The following BANK1 variants were observed in gnomAD, a reference collection of about 807,000 sequenced individuals.
BANK1 encodes B cell scaffold protein with ankyrin repeats 1.
In BANK1, 95 loss-of-function variants were observed where a neutral mutation model predicts 94.5. That is an observed-to-expected ratio of 1.00 (90% CI 0.85 to 1.19). The LOEUF (loss-of-function observed/expected upper bound fraction) is 1.19, where lower values mean the gene tolerates loss of function less well. Among genes scored for constraint, BANK1 ranks in the 50% most tolerant of loss-of-function variants. The pLI is 0.00. For missense variants in BANK1, 987 were observed against 932.2 expected, an observed-to-expected ratio of 1.06 and a Z score of -0.77; for synonymous variants, 334 against 308.4, an observed-to-expected ratio of 1.08 and a Z score of -0.87.
Position 101,790,845 on chromosome 4 carries a change from C to T in BANK1, c.-36C>T. The T allele has an allele frequency of 6.5e-7, 1 of 1,533,096 alleles. No individual in the cohort carries two copies. Among genetic ancestry groups the T allele is most frequent in the Non-Finnish European group, 8.7e-7 (1 of 1,143,348 alleles). 95.0% of individuals were successfully genotyped at this position (1,533,096 alleles called of 1,614,324 possible). A position where few individuals can be genotyped will look rare whatever the true frequency, so the allele number is the denominator to read the frequency against. On this transcript the variant is annotated 5_prime_UTR_variant, in exon 1 of 17. Transcript: ENST00000322953. ...GAGAGTCCAGGTAGCGCTCGGCGGG[C>T]AGCAGTGCGCAGGCCCCTCGGCTTC...
At chr4:101,855,260 G>A (rs1161823077) in intron 3 of BANK1, 71 bp downstream of exon 3, 13 of 1,464,504 alleles carry the variant, frequency 8.9e-6, no homozygotes, top group Non-Finnish European at 1.2e-5. Flanking sequence ...GTTGTTGTTT[G>A]GAGAGACAGG....
intron 5 of BANK1, among the ~76,000 whole-genome samples, chr4:101,873,793 T>C (rs1408048844): frequency 2.0e-5 from 3 of 152,108 alleles, no homozygotes; most frequent in Non-Finnish European, 4.4e-5. Flanking sequence ...AAAGCCCAGT[T>C]TGGGATGATA....
At chr4:102,056,090 A>G (rs1434831941) in intron 11 of BANK1, among the ~76,000 whole-genome samples, 1 of 152,190 alleles carries the variant, frequency 6.6e-6, no homozygotes, top group Non-Finnish European at 1.5e-5. Context: ...TTATAAAATT[A>G]TTATAAAGCT....
At chr4:102,006,584 C>A (rs747845425) in intron 7 of BANK1, among the ~76,000 whole-genome samples, 21 of 151,882 alleles carry the variant, frequency 1.4e-4, no homozygotes, top group East Asian at 5.8e-4. Context: ...GATTGGAAAC[C>A]TTACATGTTT....
intron 11 of BANK1, among the ~76,000 whole-genome samples, chr4:102,059,878 G>T (rs1227989973): frequency 6.6e-6 from 1 of 152,168 alleles, no homozygotes; most frequent in Non-Finnish European, 1.5e-5. Context: ...ACTATGCTAA[G>T]TATTTTGTGC....
chr4:101,790,837 T>A lies in BANK1; in HGVS notation c.-44T>A. 1 of 1,527,324 alleles carries A rather than the reference T, an allele frequency of 6.5e-7. No individual in the cohort carries two copies. The highest frequency in any genetic ancestry group is 8.8e-7 in the Non-Finnish European group (1 of 1,138,394). The allele number at this position is 1,527,324 out of a possible 1,614,324, so 94.6% of individuals were successfully genotyped here. A position where few individuals can be genotyped will look rare whatever the true frequency, so the allele number is the denominator to read the frequency against. ...CTGGCCGGGAGAGTCCAGGTAGCGC[T>A]CGGCGGGCAGCAGTGCGCAGGCCCC... On this transcript the variant is annotated 5_prime_UTR_variant, in exon 1 of 17. Coordinates refer to ENST00000322953, the MANE Select transcript of BANK1 (RefSeq NM_017935.5).
chr4:101,953,958 A>G (rs750390287), intron 7 of BANK1, among the ~76,000 whole-genome samples: 1 of 152,112 alleles, frequency 6.6e-6, no homozygotes, highest in Non-Finnish European at 1.5e-5. Flanking sequence ...TTGTTTTTTC[A>G]TAGTACTGCA....
rs1477944210 is a variant in BANK1, at chr4:101,943,498, G to A, written c.1206+25309G>A. 2.6e-5 allele frequency among the ~76,000 whole-genome samples: 4 copies of A among 151,824 alleles called. No homozygotes were observed. In the East Asian group the frequency reaches 7.8e-4, roughly 30 times the overall value. On this transcript the variant is annotated intron_variant, in intron 7 of 16. Coordinates refer to ENST00000322953, the MANE Select transcript of BANK1 (RefSeq NM_017935.5). ...TGGGTGGATTGGTGTGGGGATGGAAGGGACAGAAGGCTTCTGGCTTAAGTG... is the reference window on the plus strand; with the variant it reads ...TGGGTGGATTGGTGTGGGGATGGAAAGGACAGAAGGCTTCTGGCTTAAGTG...
At chr4:101,818,987 G>T (rs1291415633) in intron 1 of BANK1, among the ~76,000 whole-genome samples, 2 of 149,542 alleles carry the variant, frequency 1.3e-5, no homozygotes, top group South Asian at 2.1e-4. Context: ...TCTGACATTT[G>T]CTATGTATAT....
At position 101,952,985 on chromosome 4, in the gene BANK1, C is replaced by T. The variant is rs562475578; in HGVS notation, c.1206+34796C>T. The stretch of plus-strand genomic sequence containing the variant: ...TACCCTTGCAGTAATGATTAACGAT[C>T]AGTGAGAAGAACTAGACAAGGGCTT... On this transcript the variant is annotated intron_variant, in intron 7 of 16. Coordinates refer to ENST00000322953, the MANE Select transcript of BANK1 (RefSeq NM_017935.5). Among the ~76,000 whole-genome samples, 138 of 152,214 alleles carry T rather than the reference C, an allele frequency of 9.1e-4. 1 individual carries two copies. Among genetic ancestry groups the T allele is most frequent in the African/African-American group, 3.2e-3 (131 of 41,540 alleles).
intron 13 of BANK1, among the ~76,000 whole-genome samples, 199 bp from the exon 14 acceptor site, chr4:102,071,076 C>T (rs531829194): frequency 1.3e-5 from 2 of 151,860 alleles, no homozygotes; most frequent in Non-Finnish European, 2.9e-5. Context: ...GAGGAAAGGA[C>T]AAAAGTAATA....
intron 11 of BANK1, among the ~76,000 whole-genome samples, chr4:102,050,564 T>A (rs1340231209): frequency 6.6e-6 from 1 of 152,222 alleles, no homozygotes; most frequent in Non-Finnish European, 1.5e-5. Flanking sequence ...AGCCCCTAAG[T>A]AAATTATATT....
At chr4:101,921,247 CAA>C (rs1722988249) in intron 7 of BANK1, among the ~76,000 whole-genome samples, 1 of 151,838 alleles carries the variant, frequency 6.6e-6, no homozygotes, top group Non-Finnish European at 1.5e-5. Flanking sequence ...CAGTTTCTAA[CAA>C]TATCACCTGA....
intron 7 of BANK1, among the ~76,000 whole-genome samples, chr4:102,005,427 CATT>C (rs1479502237): frequency 1.3e-5 from 2 of 152,004 alleles, no homozygotes; most frequent in Non-Finnish European, 2.9e-5. Flanking sequence ...GGATATGAAT[CATT>C]AATTCCAAAG....
Position 101,982,483 on chromosome 4 carries a change from T to C in BANK1, c.1207-39031T>C, listed in dbSNP as rs73834537. ...TATCATACCTAAGGAATACTTCAGC[T>C]AAGTAGGTATACATTTGTTTGACAA... is the stretch of plus-strand genomic sequence containing the variant. On this transcript the variant is annotated intron_variant, in intron 7 of 16. Coordinates refer to ENST00000322953, the MANE Select transcript of BANK1 (RefSeq NM_017935.5). 5.7e-3 allele frequency among the ~76,000 whole-genome samples: 862 copies of C among 152,128 alleles called. 13 individuals carry two copies. In the East Asian group the frequency reaches 0.057, roughly 10 times the overall value.
intron 1 of BANK1, among the ~76,000 whole-genome samples, chr4:101,799,276 G>A (rs925774130): frequency 6.6e-6 from 1 of 152,088 alleles, no homozygotes; most frequent in Non-Finnish European, 1.5e-5. Flanking sequence ...GGTTATAGAT[G>A]TGTGGTATTA....
chr4:102,073,750 TA>T lies in BANK1; in HGVS notation c.*5+6del. 1 of 1,605,478 alleles carries T rather than the reference TA, an allele frequency of 6.2e-7. No homozygotes were observed. The highest frequency in any genetic ancestry group is 8.5e-7 in the Non-Finnish European group (1 of 1,173,438). ...TTGCAAGAAAGATCATTAAAGAAGG[TA>T]AAATATTAGCTGTGTATATTTTTTA... On this transcript the variant is annotated splice_donor_region_variant and intron_variant, in intron 16 of 16. Transcript: ENST00000322953.
intron 2 of BANK1, among the ~76,000 whole-genome samples, chr4:101,830,812 C>G (rs1304869910): frequency 2.6e-5 from 4 of 152,166 alleles, no homozygotes; most frequent in Non-Finnish European, 4.4e-5. Context: ...TTTCCTTAGT[C>G]TGCCCTTTGC....
chr4:102,059,304 A>G (rs917730008), intron 11 of BANK1, among the ~76,000 whole-genome samples: 1 of 152,188 alleles, frequency 6.6e-6, no homozygotes, highest in Admixed American at 6.5e-5. Context: ...TTTAGATTTG[A>G]TAGTATATTA....
Sources: gnomAD v4.1 joint callset for allele counts (sites outside exome capture counted in the v4.1 genomes callset) on GRCh38, gnomAD v4.1.1 for gene constraint, MANE v1.5 for transcripts, NCBI Gene and HGNC (gene_info 2026-07-23, HGNC 2026-07-21) for gene names.